MYO7A: variants seen among roughly 807,000 people sequenced by gnomAD.
MYO7A encodes myosin VIIA.
A neutral mutation model predicts 263.8 loss-of-function variants in MYO7A; 210 were observed. That is an observed-to-expected ratio of 0.80 (90% CI 0.71 to 0.89). MYO7A has a LOEUF of 0.89. Ranked by LOEUF, MYO7A falls within the 40% of genes least tolerant of loss-of-function variation. The pLI is 0.00. For synonymous variants in MYO7A, 1,239 were observed against 1,197.3 expected (o/e 1.03, Z -0.72); for missense variants, 2,820 against 2,968.3 (o/e 0.95, Z 1.16).
intron 2 of MYO7A, among the ~76,000 whole-genome samples, chr11:77,135,800 CATT>C (rs1240408884): frequency 1.3e-5 from 2 of 152,114 alleles, no homozygotes; most frequent in Admixed American, 1.3e-4. Flanking sequence ...AGTGGTATCT[CATT>C]GTGGTTTTGA....
At chr11:77,200,246 G>A (rs1956974390) in intron 35 of MYO7A, among the ~76,000 whole-genome samples, 1 of 151,760 alleles carries the variant, frequency 6.6e-6, no homozygotes, top group African/African-American at 2.4e-5. Flanking sequence ...AGTCCAGCCT[G>A]GACAAGAGTG....
intron 41 of MYO7A, 67 bp from the exon 42 acceptor site, chr11:77,207,222 A>G: frequency 8.7e-7 from 1 of 1,155,534 alleles, no homozygotes; most frequent in Non-Finnish European, 1.3e-6. Context: ...GCATAGCCAG[A>G]GGGGCCCGGG....
intron 4 of MYO7A, among the ~76,000 whole-genome samples, chr11:77,154,991 G>A (rs1952313120): frequency 6.6e-6 from 1 of 152,182 alleles, no homozygotes; most frequent in Non-Finnish European, 1.5e-5. Flanking sequence ...GGGAGGGCAG[G>A]TTGTCACCTC....
In MYO7A at chr11:77,214,785, T is replaced by A; in HGVS notation, c.*89T>A. 1 of 1,119,886 alleles carries A rather than the reference T, an allele frequency of 8.9e-7. No homozygotes were observed. Among genetic ancestry groups the A allele is most frequent in the Non-Finnish European group, 1.3e-6 (1 of 772,220 alleles). The allele number at this position is 1,119,886 out of a possible 1,614,324, so 69.4% of individuals were successfully genotyped here. On this transcript the variant is annotated 3_prime_UTR_variant, in exon 49 of 49. Coordinates refer to ENST00000409709, the MANE Select transcript of MYO7A (RefSeq NM_000260.4). ...AGCTACCCCTGCAGCTGGGGAAGAC[T>A]TATGCCATCCCGGCAGCGAGGCTGG...
At chr11:77,199,850 C>G in intron 35 of MYO7A, 32 bp downstream of exon 35, 1 of 1,550,470 alleles carries the variant, frequency 6.4e-7, no homozygotes, top group Non-Finnish European at 8.8e-7. Context: ...CTGCCTGGCA[C>G]TGGGGGTCAG....
chr11:77,175,150 C>T (rs527392338), intron 17 of MYO7A, among the ~76,000 whole-genome samples: 32 of 152,294 alleles, frequency 2.1e-4, no homozygotes, highest in South Asian at 6.2e-4. Flanking sequence ...GGCTGCCACG[C>T]GGGCCCTGGA....
chr11:77,163,042 C>T, intron 14 of MYO7A, 54 bp downstream of exon 14: 3 of 1,593,106 alleles, frequency 1.9e-6, no homozygotes, highest in Non-Finnish European at 2.6e-6. Context: ...CTGCCTTCCC[C>T]TGCTCCAGCC....
intron 32 of MYO7A, among the ~76,000 whole-genome samples, chr11:77,194,947 C>A (rs925076376): frequency 6.6e-6 from 1 of 152,118 alleles, no homozygotes; most frequent in African/African-American, 2.4e-5. Context: ...GGAGCCCAGG[C>A]CCATGACCAG....
chr11:77,164,647 T>G (rs550043515), intron 14 of MYO7A, among the ~76,000 whole-genome samples: 1 of 152,342 alleles, frequency 6.6e-6, no homozygotes, highest in South Asian at 2.1e-4. Context: ...CAAATTGGTC[T>G]TTCATTTGGA....
intron 4 of MYO7A, among the ~76,000 whole-genome samples, chr11:77,150,281 T>C (rs1364539085): frequency 5.9e-5 from 9 of 152,338 alleles, no homozygotes; most frequent in Admixed American, 5.9e-4. Context: ...TCAGCCACAG[T>C]GCAGGCAAGC....
chr11:77,193,245 T>C (rs960688554), intron 31 of MYO7A, among the ~76,000 whole-genome samples: 3 of 133,382 alleles, frequency 2.2e-5, no homozygotes, highest in Non-Finnish European at 5.1e-5. Flanking sequence ...GTAGGGATGA[T>C]GTTAGTGATG....
At chr11:77,132,250 C>T (rs1269456522) in intron 2 of MYO7A, among the ~76,000 whole-genome samples, 1 of 152,122 alleles carries the variant, frequency 6.6e-6, no homozygotes, top group African/African-American at 2.4e-5. Flanking sequence ...GTCCACAGTC[C>T]TCCTCCTTTC....
At chr11:77,142,542 G>A (rs782289592) in intron 2 of MYO7A, 167 bp from the exon 3 acceptor site, 9 of 692,506 alleles carry the variant, frequency 1.3e-5, no homozygotes, top group Non-Finnish European at 2.4e-5. Context: ...CCCAGCCCAG[G>A]GCCTGCACTG....
chr11:77,174,996 C>A, intron 17 of MYO7A, 82 bp downstream of exon 17: 1 of 1,548,710 alleles, frequency 6.5e-7, no homozygotes, highest in South Asian at 1.2e-5. Context: ...TTATCAGGAC[C>A]ATGGGCGGGG....
At position 77,179,805 on chromosome 11, in the gene MYO7A, C is replaced by A. The variant is rs1478403093; in HGVS notation, c.2438C>A (p.Ala813Asp). ...SRKLHQQYRLARQRIIQFQAR... is the reference protein window; with the variant it reads ...SRKLHQQYRLDRQRIIQFQAR... ...AAGCTGCACCAGCAGTACCGCCTGG[C>A]CCGCCAGCGCATCATCCAGTTCCAG... The change falls in exon 21 of 49, where the codon GCC becomes GAC. Residue 813 changes from alanine (A) to aspartate (D), a missense_variant. Coordinates refer to ENST00000409709, the MANE Select transcript of MYO7A (RefSeq NM_000260.4). The A allele has an allele frequency of 1.9e-6, 3 of 1,547,998 alleles. No individual in the cohort carries two copies. Among genetic ancestry groups the A allele is most frequent in the Non-Finnish European group, 2.6e-6 (3 of 1,148,782 alleles).
intron 10 of MYO7A, 85 bp from the exon 11 acceptor site, chr11:77,160,078 C>T: frequency 6.7e-7 from 1 of 1,501,100 alleles, no homozygotes; most frequent in African/African-American, 1.4e-5. Flanking sequence ...TGGGCCAGGC[C>T]AGTGCCGGAA....
chr11:77,192,278 G>T lies in MYO7A; in HGVS notation c.4152G>T (p.Lys1384Asn). Residue 1384 changes from lysine (K) to asparagine (N), a missense_variant and splice_region_variant, in exon 31 of 49, where the codon AAG (lysine) becomes AAT (asparagine). Lys to Asn is a moderately conservative substitution (Grantham distance 94). Coordinates refer to ENST00000409709, the MANE Select transcript of MYO7A (RefSeq NM_000260.4). ...GVKFGEYRCE[K>N]EDDLAELASQ... ...AGTTTGGGGAGTACAGGTGTGAGAA[G>T]GTGAGTGGGAGGGAATCTTCCGCCA... 6.2e-7 allele frequency: 1 copy of T among 1,613,604 alleles called. No individual in the cohort carries two copies. Among genetic ancestry groups the T allele is most frequent in the South Asian group, 1.1e-5 (1 of 91,078 alleles).
intron 33 of MYO7A, 51 bp from the exon 34 acceptor site, chr11:77,198,444 C>T (rs1956829962): frequency 6.2e-7 from 1 of 1,602,510 alleles, no homozygotes; most frequent in Non-Finnish European, 8.5e-7. Flanking sequence ...TTGAGAAGGG[C>T]TGGGCCTGGG....
In MYO7A at chr11:77,192,929, T is replaced by G. The variant is rs61900014; in HGVS notation, c.4152+651T>G. Among the ~76,000 whole-genome samples, 2 of 73,560 alleles carry G rather than the reference T, an allele frequency of 2.7e-5. 1 individual carries two copies. Among genetic ancestry groups the G allele is most frequent in the East Asian group, 8.4e-4 (2 of 2,370 alleles). 48.3% of individuals were successfully genotyped at this position (73,560 alleles called of 152,430 possible). The stretch of plus-strand genomic sequence containing the variant: ...GTGATGGTGGAGGGTAGTGATGGTG[T>G]TGTTTGTGATGGTGGAGGTAGTGAT... On this transcript the variant is annotated intron_variant, in intron 31 of 48. Coordinates refer to ENST00000409709, the MANE Select transcript of MYO7A (RefSeq NM_000260.4).
Sources: allele counts gnomAD v4.1 joint callset (sites outside exome capture counted in the v4.1 genomes callset), GRCh38; gene constraint gnomAD v4.1.1; transcripts MANE v1.5; gene names NCBI Gene and HGNC (gene_info 2026-07-23, HGNC 2026-07-21).